Variants in AMBRA1 observed in about 807,000 individuals in gnomAD.
AMBRA1 encodes activating molecule in BECN1-regulated autophagy protein 1.
Under a neutral mutation model 125.4 loss-of-function variants are expected in AMBRA1, and 47 were observed. The ratio of observed to expected loss-of-function variants is 0.37; its 90% CI spans 0.30 to 0.48. AMBRA1 has a LOEUF of 0.48. Among genes scored for constraint, AMBRA1 ranks in the 20% least tolerant of loss-of-function variants. The pLI, the probability that AMBRA1 is intolerant of heterozygous loss-of-function variation, is 0.99. For missense variants in AMBRA1, 1,331 were observed against 1,693.4 expected, an observed-to-expected ratio of 0.79 and a Z score of 3.76; for synonymous variants, 626 against 655.5, an observed-to-expected ratio of 0.95 and a Z score of 0.69.
chr11:46,472,538 T>C (rs757641863), intron 11 of AMBRA1, among the ~76,000 whole-genome samples: 4 of 152,194 alleles, frequency 2.6e-5, no homozygotes, highest in Non-Finnish European at 4.4e-5. Context: ...GGACAGAGGT[T>C]AAATGACTCA....
chr11:46,520,813 G>A (rs891502584), intron 7 of AMBRA1, among the ~76,000 whole-genome samples: 2 of 150,818 alleles, frequency 1.3e-5, no homozygotes, highest in African/African-American at 4.9e-5. Context: ...CACTGTGTTA[G>A]CCAGGATGGT....
chr11:46,506,649 T>C (rs1329051143), intron 9 of AMBRA1, among the ~76,000 whole-genome samples: 3 of 152,166 alleles, frequency 2.0e-5, no homozygotes, highest in Admixed American at 2.0e-4. Flanking sequence ...GCTGTCCTCT[T>C]TCACAAATGC....
At chr11:46,592,783 G>A (rs1055843224) in intron 1 of AMBRA1, among the ~76,000 whole-genome samples, 10 of 151,654 alleles carry the variant, frequency 6.6e-5, no homozygotes, top group Admixed American at 2.6e-4. Context: ...AAGAGAGACA[G>A]ACTCCTTGGG....
At chr11:46,552,860 TTAA>T (rs1229017163) in intron 1 of AMBRA1, among the ~76,000 whole-genome samples, 1 of 152,090 alleles carries the variant, frequency 6.6e-6, no homozygotes, top group Non-Finnish European at 1.5e-5. Flanking sequence ...TATTGGTGAT[TTAA>T]TAATTTTAAT....
chr11:46,407,682 G>A (rs1169150845), intron 17 of AMBRA1, among the ~76,000 whole-genome samples: 4 of 152,246 alleles, frequency 2.6e-5, no homozygotes, highest in Non-Finnish European at 2.9e-5. Flanking sequence ...GGGGACTGCG[G>A]TGTAGAAAGC....
intron 1 of AMBRA1, among the ~76,000 whole-genome samples, chr11:46,572,241 C>G (rs1431785043): frequency 1.3e-5 from 2 of 151,864 alleles, no homozygotes; most frequent in Non-Finnish European, 1.5e-5. Flanking sequence ...GCGGAGGTTG[C>G]AGGGAGCAGA....
Position 46,566,786 on chromosome 11 carries a change from G to A in AMBRA1, c.-120-18286C>T, listed in dbSNP as rs569763321. On this transcript the variant is annotated intron_variant, in intron 1 of 17. Coordinates refer to ENST00000683756, the MANE Select transcript of AMBRA1 (RefSeq NM_001387011.1). ...TAACTGCCCTTGGTCATTCCTGTGC[G>A]TAGGACAAGCTAACTTTGGGAGAAA... 1.5e-4 allele frequency among the ~76,000 whole-genome samples: 23 copies of A among 152,258 alleles called. No homozygotes were observed. In the South Asian group the frequency reaches 3.9e-3, roughly 26 times the overall value.
intron 1 of AMBRA1, among the ~76,000 whole-genome samples, chr11:46,588,793 A>G (rs1565331522): frequency 1.3e-5 from 2 of 149,324 alleles, no homozygotes; most frequent in South Asian, 2.1e-4. Context: ...AAAAAAAAAA[A>G]GTATTATGAT....
chr11:46,568,559 G>A (rs2043626349), intron 1 of AMBRA1, among the ~76,000 whole-genome samples: 1 of 151,708 alleles, frequency 6.6e-6, no homozygotes, highest in African/African-American at 2.4e-5. Context: ...GATCACCTGA[G>A]GTCAGGAGTT....
At chr11:46,456,034 AATG>A (rs1445725179) in intron 11 of AMBRA1, among the ~76,000 whole-genome samples, 1 of 152,160 alleles carries the variant, frequency 6.6e-6, no homozygotes, top group Non-Finnish European at 1.5e-5. Flanking sequence ...CACTTACACT[AATG>A]ATGTAATTGG....
intron 1 of AMBRA1, among the ~76,000 whole-genome samples, chr11:46,583,107 A>G (rs1288304769): frequency 3.3e-5 from 5 of 152,302 alleles, no homozygotes; most frequent in Admixed American, 2.6e-4. Context: ...ACTATACTAC[A>G]AGGCTACAGT....
intron 11 of AMBRA1, among the ~76,000 whole-genome samples, chr11:46,448,468 C>T (rs1948418707): frequency 1.3e-5 from 2 of 152,124 alleles, no homozygotes; most frequent in African/African-American, 4.8e-5. Context: ...GAAAGCAGTG[C>T]TTAGAGGGAA....
chr11:46,495,391 A>G (rs1008419345), intron 9 of AMBRA1: 4 of 152,248 alleles, frequency 2.6e-5, no homozygotes, highest in Admixed American at 2.6e-4. Context: ...ACAAAAGTCT[A>G]TGATGGTTTT....
chr11:46,475,629 C>T (rs1336572393), intron 11 of AMBRA1, among the ~76,000 whole-genome samples: 2 of 152,192 alleles, frequency 1.3e-5, no homozygotes, highest in African/African-American at 2.4e-5. Context: ...GAGACAGAGC[C>T]CCTGAGGCCA....
At chr11:46,447,976 T>C (rs1424602344) in intron 11 of AMBRA1, among the ~76,000 whole-genome samples, 1 of 152,236 alleles carries the variant, frequency 6.6e-6, no homozygotes, top group Non-Finnish European at 1.5e-5. Flanking sequence ...ATCTGTCATC[T>C]ACTCCAATCT....
intron 14 of AMBRA1, among the ~76,000 whole-genome samples, chr11:46,432,254 A>G: frequency 6.6e-6 from 1 of 152,226 alleles, no homozygotes; most frequent in East Asian, 1.9e-4. Flanking sequence ...GTACAATGAT[A>G]GCACAAGGAA....
intron 1 of AMBRA1, among the ~76,000 whole-genome samples, chr11:46,582,482 T>C (rs894139791): frequency 4.6e-5 from 7 of 152,212 alleles, no homozygotes; most frequent in African/African-American, 1.7e-4. Flanking sequence ...TCCTCTGGAC[T>C]ATAATCTCCA....
intron 7 of AMBRA1, among the ~76,000 whole-genome samples, chr11:46,537,510 C>A (rs138534531): frequency 6.6e-6 from 1 of 152,158 alleles, no homozygotes. Context: ...AGGCCAAGGG[C>A]ACCCTACCGC....
intron 14 of AMBRA1, among the ~76,000 whole-genome samples, chr11:46,422,794 A>C (rs1298458660): frequency 5.3e-5 from 8 of 152,142 alleles, no homozygotes; most frequent in Admixed American, 5.2e-4. Context: ...TTTTGTTTAC[A>C]TTTGGGAATC....
Sources: allele counts gnomAD v4.1 joint callset (sites outside exome capture counted in the v4.1 genomes callset), GRCh38; gene constraint gnomAD v4.1.1; transcripts MANE v1.5; gene names NCBI Gene and HGNC (gene_info 2026-07-23, HGNC 2026-07-21).